Variants in DYNLT5 observed in about 807,000 individuals in gnomAD.
DYNLT5 encodes dynein light chain Tctex-type 5.
In DYNLT5, 25 loss-of-function variants were observed where a neutral mutation model predicts 19.3. The ratio of observed to expected loss-of-function variants is 1.30; its 90% CI spans 0.95 to 1.81. DYNLT5 has a LOEUF of 1.81. DYNLT5 is among the 40% of genes most tolerant of loss of function. The probability of loss-of-function intolerance (pLI) is 0.00; values close to 1 mark genes in which losing one functional copy is unlikely to be tolerated. For missense variants in DYNLT5, 232 were observed against 217.9 expected (o/e 1.06, Z -0.41); for synonymous variants, 82 against 68.9 (o/e 1.19, Z -0.94).
rs556534883 is a variant in DYNLT5 at position 66,777,595 on chromosome 1, A to G, written c.*141A>G. 1.4e-4 allele frequency: 92 copies of G among 668,062 alleles called. No homozygotes were observed. In the African/African-American group the frequency reaches 1.6e-3, roughly 11 times the overall value. 41.4% of individuals were successfully genotyped at this position (668,062 alleles called of 1,614,324 possible). A position where few individuals can be genotyped will look rare whatever the true frequency, so the allele number is the denominator to read the frequency against. On this transcript the variant is annotated 3_prime_UTR_variant, in exon 5 of 5. Coordinates refer to ENST00000282670, the MANE Select transcript of DYNLT5 (RefSeq NM_152665.3). ...CAACTGGAAGCTTTTGAATTTTTTC[A>G]TATTCTAGTAAAGATTTGGGGAGGG...
At chr1:66,765,760 C>G (rs1291827587) in intron 2 of DYNLT5, among the ~76,000 whole-genome samples, 2 of 151,898 alleles carry the variant, frequency 1.3e-5, no homozygotes, top group African/African-American at 4.8e-5. Flanking sequence ...CTCAGCCTCT[C>G]AAGCAGCTGG....
chr1:66,754,736 T>C lies in DYNLT5; in HGVS notation c.78T>C (p.Asn26=), dbSNP rs1176881944. The C allele has an allele frequency of 5.6e-6, 9 of 1,613,138 alleles. No individual in the cohort carries two copies. Among genetic ancestry groups the C allele is most frequent in the Non-Finnish European group, 7.6e-6 (9 of 1,179,678 alleles). Residue 26 remains asparagine, a synonymous_variant, in exon 2 of 5, where the codon AAT becomes AAC. Transcript: ENST00000282670. The stretch of plus-strand genomic sequence containing the variant: ...GAGGGAGTATTTCTTCTCTAAGTAA[T>C]CATGAATTTTGGCGAAAGGAAATTC... ...KKRGSISSLS[N]HEFWRKEIHG...
At chr1:66,753,790 A>G (rs1011967518) in intron 1 of DYNLT5, among the ~76,000 whole-genome samples, 4 of 152,038 alleles carry the variant, frequency 2.6e-5, no homozygotes, top group Non-Finnish European at 4.4e-5. Context: ...CTCTACAAAA[A>G]TGTTTAAAAA....
chr1:66,770,638 G>A (rs764618470), intron 3 of DYNLT5, 160 bp downstream of exon 3: 9 of 717,780 alleles, frequency 1.3e-5, no homozygotes, highest in Admixed American at 8.0e-5. Context: ...TTCTTCCTCA[G>A]CAAAAAGGTA....
chr1:66,764,233 T>A (rs1274867961), intron 2 of DYNLT5, among the ~76,000 whole-genome samples: 2 of 152,164 alleles, frequency 1.3e-5, no homozygotes, highest in Admixed American at 6.5e-5. Flanking sequence ...TTAGTTATAG[T>A]CACAACTTGA....
At chr1:66,776,946 T>C (rs1434405246) in intron 4 of DYNLT5, among the ~76,000 whole-genome samples, 1 of 152,248 alleles carries the variant, frequency 6.6e-6, no homozygotes, top group Non-Finnish European at 1.5e-5. Context: ...TTCTTTGACA[T>C]GAAGCCATCT....
chr1:66,774,376 A>G (rs1325809228), intron 3 of DYNLT5, among the ~76,000 whole-genome samples: 6 of 148,864 alleles, frequency 4.0e-5, no homozygotes, highest in African/African-American at 1.5e-4. Flanking sequence ...TTGGGTTCGC[A>G]GGAGATGATG....
intron 2 of DYNLT5, among the ~76,000 whole-genome samples, chr1:66,770,106 A>T (rs1257017432): frequency 6.6e-6 from 1 of 152,218 alleles, no homozygotes; most frequent in African/African-American, 2.4e-5. Context: ...ATACACATAC[A>T]TCAACCCAGG....
Position 66,754,022 on chromosome 1 carries a change from A to C in DYNLT5, c.-3-634A>C, listed in dbSNP as rs184886784. Among the ~76,000 whole-genome samples, 12 of 152,144 alleles carry C rather than the reference A, an allele frequency of 7.9e-5. No homozygotes were observed. In the East Asian group the frequency reaches 2.3e-3, roughly 29 times the overall value. On this transcript the variant is annotated intron_variant, in intron 1 of 4. Transcript: ENST00000282670. The stretch of plus-strand genomic sequence containing the variant: ...CAGCACTTTGGGAGGCTGAAGCAGG[A>C]TTGCTTGATCCCAGGAGTTCAAGAC...
Position 66,765,458 on chromosome 1 carries a change from G to A in DYNLT5, c.120-4929G>A, listed in dbSNP as rs532011706. Among the ~76,000 whole-genome samples, 23 of 152,144 alleles carry A rather than the reference G, an allele frequency of 1.5e-4. No homozygotes were observed. The South Asian group carries it at 4.4e-3, about 29-fold the overall frequency. On this transcript the variant is annotated intron_variant, in intron 2 of 4. Transcript: ENST00000282670. Reference sequence around the variant, plus strand: ...TTCTCAATAATAATTAGATGCTATTGTGGCTGATGAGAATTAACTGAAATT... The same window carrying A: ...TTCTCAATAATAATTAGATGCTATTATGGCTGATGAGAATTAACTGAAATT...
At chr1:66,777,129 C>A in intron 4 of DYNLT5, 122 bp from the exon 5 acceptor site, 1 of 822,056 alleles carries the variant, frequency 1.2e-6, no homozygotes, top group Non-Finnish European at 1.9e-6. Context: ...CTAAAACAAT[C>A]ACTGAAAGTA....
intron 3 of DYNLT5, among the ~76,000 whole-genome samples, chr1:66,771,972 A>G (rs972969491): frequency 3.3e-5 from 5 of 152,214 alleles, no homozygotes; most frequent in African/African-American, 1.2e-4. Context: ...TTCCTACAAT[A>G]GTCTATGTGA....
intron 2 of DYNLT5, among the ~76,000 whole-genome samples, chr1:66,756,341 C>T (rs1413495189): frequency 6.6e-6 from 1 of 152,144 alleles, no homozygotes; most frequent in Non-Finnish European, 1.5e-5. Flanking sequence ...CCCATGCTAA[C>T]TTGTATTAAT....
At chr1:66,764,091 G>A (rs1465251545) in intron 2 of DYNLT5, among the ~76,000 whole-genome samples, 1 of 152,116 alleles carries the variant, frequency 6.6e-6, no homozygotes, top group Non-Finnish European at 1.5e-5. Flanking sequence ...GGGAGACTGA[G>A]GTGGGAGGAT....
intron 2 of DYNLT5, among the ~76,000 whole-genome samples, chr1:66,757,663 C>T (rs2094638724): frequency 6.6e-6 from 1 of 151,996 alleles, no homozygotes; most frequent in Non-Finnish European, 1.5e-5. Context: ...ATTTATAGGG[C>T]CCTTGCGATG....
At chr1:66,767,095 T>G (rs1645161886) in intron 2 of DYNLT5, among the ~76,000 whole-genome samples, 1 of 151,966 alleles carries the variant, frequency 6.6e-6, no homozygotes, top group Admixed American at 6.6e-5. Flanking sequence ...TGACACAAGT[T>G]CACCTATATA....
chr1:66,771,465 A>G (rs940274971), intron 3 of DYNLT5, among the ~76,000 whole-genome samples: 1 of 152,216 alleles, frequency 6.6e-6, no homozygotes, highest in Non-Finnish European at 1.5e-5. Context: ...GATGGCATAT[A>G]ACCATGGTGA....
At chr1:66,767,399 T>C (rs867077526) in intron 2 of DYNLT5, among the ~76,000 whole-genome samples, 20 of 152,232 alleles carry the variant, frequency 1.3e-4, no homozygotes, top group Admixed American at 1.1e-3. Context: ...ATCTCAGGTA[T>C]GTGCCACCAT....
chr1:66,754,788 G>A lies in DYNLT5; in HGVS notation c.119+11G>A. The A allele has an allele frequency of 6.2e-7, 1 of 1,601,900 alleles. No individual in the cohort carries two copies. Among genetic ancestry groups the A allele is most frequent in the South Asian group, 1.1e-5 (1 of 88,524 alleles). On this transcript the variant is annotated intron_variant, in intron 2 of 4. Coordinates refer to ENST00000282670, the MANE Select transcript of DYNLT5 (RefSeq NM_152665.3). ...TGGGCGCATCAAAGAGTGAGTAACT[G>A]TCTAAAATTGTAAATTCATTTATTG...
Sources: gnomAD v4.1 joint callset for allele counts (sites outside exome capture counted in the v4.1 genomes callset) on GRCh38, gnomAD v4.1.1 for gene constraint, MANE v1.5 for transcripts, NCBI Gene and HGNC (gene_info 2026-07-23, HGNC 2026-07-21) for gene names.